The following AKAP9 variants were observed in gnomAD, a reference collection of about 807,000 sequenced individuals.
AKAP9 encodes the protein A-kinase anchor protein 9.
A neutral mutation model predicts 488.5 loss-of-function variants in AKAP9; 311 were observed. The observed-to-expected ratio is 0.64, with a 90% confidence interval of 0.58 to 0.70. The LOEUF (loss-of-function observed/expected upper bound fraction) is 0.70, where lower values mean the gene tolerates loss of function less well. Among genes scored for constraint, AKAP9 ranks in the 30% least tolerant of loss-of-function variants. The pLI is 0.00. For missense variants in AKAP9, 4,215 were observed against 4,374.5 expected (o/e 0.96, Z 1.03); for synonymous variants, 1,462 against 1,483.5 (o/e 0.99, Z 0.33).
chr7:92,076,816 A>G, intron 28 of AKAP9, 39 bp from the exon 29 acceptor site: 1 of 1,238,284 alleles, frequency 8.1e-7, no homozygotes, highest in Non-Finnish European at 1.1e-6. Context: ...AAACGTTTGT[A>G]TAAACATTTT....
chr7:92,065,569 C>A, intron 25 of AKAP9, 106 bp downstream of exon 25: 1 of 819,924 alleles, frequency 1.2e-6, no homozygotes, highest in Non-Finnish European at 2.0e-6. Context: ...GTTAGTTTTT[C>A]AGTGTTTTAT....
chr7:92,108,859 A>G, intron 49 of AKAP9: 1 of 593,076 alleles, frequency 1.7e-6, no homozygotes, highest in Non-Finnish European at 3.0e-6. Context: ...ACTCCTCCCA[A>G]AAATGATTTC....
Position 92,097,486 on chromosome 7 carries a change from A to G in AKAP9, c.10399-100A>G, listed in dbSNP as rs559918500. ...ATCACTTAAAAATGAAATCTATAGAAGTTTATTGGATATAAACAATAATTG... is the reference window on the plus strand; with the variant it reads ...ATCACTTAAAAATGAAATCTATAGAGGTTTATTGGATATAAACAATAATTG... On this transcript the variant is annotated intron_variant, in intron 41 of 49. Coordinates refer to ENST00000356239, the MANE Select transcript of AKAP9 (RefSeq NM_005751.5). 3 of 1,488,346 alleles carry G rather than the reference A, an allele frequency of 2.0e-6. No individual in the cohort carries two copies. The South Asian group carries it at 3.6e-5, about 18-fold the overall frequency. 92.2% of individuals were successfully genotyped at this position (1,488,346 alleles called of 1,614,324 possible). A position where few individuals can be genotyped will look rare whatever the true frequency, so the allele number is the denominator to read the frequency against.
At chr7:92,055,746 A>G (rs966715512) in intron 22 of AKAP9, among the ~76,000 whole-genome samples, 1 of 152,074 alleles carries the variant, frequency 6.6e-6, no homozygotes, top group African/African-American at 2.4e-5. Context: ...AAGATAGAAT[A>G]TAATTTGAAT....
At chr7:91,959,272 T>A (rs1266432983) in intron 1 of AKAP9, among the ~76,000 whole-genome samples, 1 of 152,098 alleles carries the variant, frequency 6.6e-6, no homozygotes, top group East Asian at 1.9e-4. Context: ...CCTTGGTTTT[T>A]AAAATAATTT....
In AKAP9 at chr7:92,001,462, A is replaced by G. The variant is rs926370853; in HGVS notation, c.1545A>G (p.Glu515=). The G allele has an allele frequency of 6.2e-7, 1 of 1,613,918 alleles. No homozygotes were observed. The highest frequency in any genetic ancestry group is 8.5e-7 in the Non-Finnish European group (1 of 1,179,878). The change falls in exon 8 of 50, where the codon GAA becomes GAG. Residue 515 remains glutamate, a synonymous_variant. Transcript: ENST00000356239. The part of the protein sequence containing the change: ...TNSQKEKLKE[E]LGLILEEKCA... ...CTCAAAAGGAAAAACTCAAGGAAGA[A>G]CTAGGACTAATTTTAGAAGAAAAGT... is the stretch of plus-strand genomic sequence containing the variant.
rs564064961 is a variant in AKAP9 at position 92,002,645 on chromosome 7, G to T, written c.2728G>T (p.Val910Leu). 6.2e-7 allele frequency: 1 copy of T among 1,613,130 alleles called. No individual in the cohort carries two copies. The highest frequency in any genetic ancestry group is 1.7e-5 in the Admixed American group (1 of 59,940). ...TTTGCAAAGAATAAATCCAACTACA[G>T]TGAAAATGAAAAGTTCTGTCTTTGA... ...LHLQRINPTTVKMKSSVFDED... is the reference protein window; with the variant it reads ...LHLQRINPTTLKMKSSVFDED... Residue 910 changes from valine to leucine, a missense_variant, in exon 8 of 50, where the codon GTG (valine) becomes TTG (leucine). Physicochemically the swap from Val to Leu is conservative, Grantham distance 32. Around this residue, in one of 5 missense-constraint regions of AKAP9, gnomAD observed 2,361 missense variants for 2,430.0 expected, o/e 0.97. Transcript: ENST00000356239.
intron 21 of AKAP9, among the ~76,000 whole-genome samples, chr7:92,046,243 G>A (rs932109963): frequency 9.9e-5 from 15 of 152,178 alleles, no homozygotes; most frequent in African/African-American, 3.1e-4. Context: ...GAGGGGAAAA[G>A]TTTTGTGAGA....
At chr7:92,019,303 G>A (rs773932364) in intron 12 of AKAP9, among the ~76,000 whole-genome samples, 7 of 151,570 alleles carry the variant, frequency 4.6e-5, no homozygotes, top group Non-Finnish European at 8.8e-5. Context: ...CACCACACCC[G>A]GCTAATTTTT....
At chr7:92,091,521 G>A (rs903341167) in intron 38 of AKAP9, among the ~76,000 whole-genome samples, 2 of 150,332 alleles carry the variant, frequency 1.3e-5, no homozygotes, top group African/African-American at 4.9e-5. Flanking sequence ...AGGAGGCAGA[G>A]GTTGCAATGA....
chr7:91,992,583 G>A (rs1797890252), intron 4 of AKAP9, among the ~76,000 whole-genome samples: 1 of 146,494 alleles, frequency 6.8e-6, no homozygotes, highest in Non-Finnish European at 1.5e-5. Flanking sequence ...AGAATTGCTT[G>A]AACCCGGGAG....
rs947083580 is a variant in AKAP9, at chr7:92,103,563, C to T, written c.11330+737C>T. On this transcript the variant is annotated intron_variant, in intron 46 of 49. Coordinates refer to ENST00000356239, the MANE Select transcript of AKAP9 (RefSeq NM_005751.5). Reference sequence around the variant, plus strand: ...CAAAAAAATTAGCCAGGCGTGGTGGCGGGTGCCTGTAGTCCCAGCTACTTG... The same window carrying T: ...CAAAAAAATTAGCCAGGCGTGGTGGTGGGTGCCTGTAGTCCCAGCTACTTG... Among the ~76,000 whole-genome samples, 20 of 151,588 alleles carry T rather than the reference C, an allele frequency of 1.3e-4. No homozygotes were observed. In the East Asian group the frequency reaches 1.4e-3, roughly 10 times the overall value.
rs1813962316 is a variant in AKAP9 at position 92,083,498 on chromosome 7, A to C, written c.8489A>C (p.Lys2830Thr). ...IISQFTEKIE[K>T]MQELHAAEIL... ...AGTCAGTTTACTGAAAAAATTGAGAAGATGCAAGAACTACATGCTGCTGAA... is the reference window on the plus strand; with the variant it reads ...AGTCAGTTTACTGAAAAAATTGAGACGATGCAAGAACTACATGCTGCTGAA... The change falls in exon 33 of 50, where the codon AAG becomes ACG. Residue 2830 changes from lysine to threonine, a missense_variant. Transcript: ENST00000356239. The C allele has an allele frequency of 6.2e-7, 1 of 1,612,162 alleles. No homozygotes were observed.
intron 14 of AKAP9, among the ~76,000 whole-genome samples, chr7:92,027,062 G>A (rs575678904): frequency 1.2e-3 from 158 of 133,668 alleles, no homozygotes; most frequent in African/African-American, 4.0e-3. Context: ...CGGCCGCCCC[G>A]TCTGGGAGGT....
At chr7:92,056,773 T>C (rs1232922225) in intron 22 of AKAP9, among the ~76,000 whole-genome samples, 1 of 151,886 alleles carries the variant, frequency 6.6e-6, no homozygotes, top group Non-Finnish European at 1.5e-5. Context: ...AACTTTATAG[T>C]GTGAGTAGCT....
chr7:92,010,392 C>CA (rs1451808202), intron 8 of AKAP9, among the ~76,000 whole-genome samples: 2 of 152,206 alleles, frequency 1.3e-5, no homozygotes, highest in Admixed American at 6.5e-5. Context: ...TGTGTTGACT[C>CA]AAAGCCTTTG....
chr7:92,096,060 G>C (rs1187350876), intron 40 of AKAP9, among the ~76,000 whole-genome samples: 1 of 152,016 alleles, frequency 6.6e-6, no homozygotes, highest in African/African-American at 2.4e-5. Context: ...AATGTGCACA[G>C]GAATCTTATC....
chr7:92,047,263 C>G (rs2130794376), intron 21 of AKAP9, among the ~76,000 whole-genome samples: 1 of 151,926 alleles, frequency 6.6e-6, no homozygotes, highest in South Asian at 2.1e-4. Flanking sequence ...GTCACCTAGG[C>G]TGGAGAGCAG....
At position 91,997,552 on chromosome 7, in the gene AKAP9, A is replaced by C. The variant is rs566104301; in HGVS notation, c.930+1752A>C. Among the ~76,000 whole-genome samples the C allele has an allele frequency of 2.1e-4, 32 of 152,328 alleles. No individual in the cohort carries two copies. The South Asian group carries it at 6.6e-3, about 32-fold the overall frequency. ...GAAATGGGGAGGACTTTTTAGATAG[A>C]GTGTGGAGTAGGCATAAAGACTCAG... On this transcript the variant is annotated intron_variant, in intron 7 of 49. Coordinates refer to ENST00000356239, the MANE Select transcript of AKAP9 (RefSeq NM_005751.5).
Sources: gnomAD v4.1 joint callset for allele counts (sites outside exome capture counted in the v4.1 genomes callset) on GRCh38, gnomAD v4.1.1 for gene constraint, gnomAD v4.1.1 regional missense constraint, MANE v1.5 for transcripts, NCBI Gene and HGNC (gene_info 2026-07-23, HGNC 2026-07-21) for gene names.